The following POU2AF1 variants were observed in gnomAD, a reference collection of about 807,000 sequenced individuals.
POU2AF1 encodes POU class 2 homeobox associating factor 1, also known as POU domain class 2-associating factor 1.
Under a neutral mutation model 26.3 loss-of-function variants are expected in POU2AF1, and 12 were observed. The ratio of observed to expected loss-of-function variants is 0.46; its 90% confidence interval spans 0.29 to 0.74. The LOEUF is 0.74. Ranked by LOEUF, POU2AF1 falls within the 30% of genes least tolerant of loss-of-function variation. The pLI, the probability that POU2AF1 is intolerant of heterozygous loss-of-function variation, is 0.09. For missense variants in POU2AF1, 297 were observed against 334.5 expected, an observed-to-expected ratio of 0.89 and a Z score of 0.87; for synonymous variants, 175 against 148.0, an observed-to-expected ratio of 1.18 and a Z score of -1.32.
intron 1 of POU2AF1, among the ~76,000 whole-genome samples, chr11:111,361,883 C>T (rs376561269): frequency 2.0e-5 from 3 of 152,176 alleles, no homozygotes; most frequent in South Asian, 2.1e-4. Flanking sequence ...TAGTAATATT[C>T]CCTTCCGAAA....
chr11:111,363,449 A>G, intron 1 of POU2AF1: 1 of 1,012,508 alleles, frequency 9.9e-7, no homozygotes, highest in Non-Finnish European at 1.2e-6. Context: ...GTGCAGCAAC[A>G]ATAAACATTT....
chr11:111,365,504 T>C (rs566732360), intron 1 of POU2AF1, among the ~76,000 whole-genome samples: 167 of 152,260 alleles, frequency 1.1e-3, no homozygotes, highest in Middle Eastern at 3.4e-3. Context: ...GGAAATATCT[T>C]CTGCTGTTGA....
chr11:111,375,489 C>A (rs948536032), intron 1 of POU2AF1, among the ~76,000 whole-genome samples: 1 of 150,474 alleles, frequency 6.6e-6, no homozygotes, highest in Non-Finnish European at 1.5e-5. Context: ...CTCCGCCTCC[C>A]GGGTTCATGC....
At chr11:111,372,091 T>A (rs7482147) in intron 1 of POU2AF1, among the ~76,000 whole-genome samples, 17 of 122,938 alleles carry the variant, frequency 1.4e-4, no homozygotes, top group African/African-American at 3.3e-4. Context: ...GAGAGAGAGA[T>A]GAAGGAGCAG....
rs1860788924 is a variant in POU2AF1, at chr11:111,353,993, G to A, written c.*268C>T. On this transcript the variant is annotated 3_prime_UTR_variant, in exon 5 of 5. Transcript: ENST00000393067. ...GGGTTGGAAAGGGAGAAGGGAAGGA[G>A]GGAAGGAAGGGAGGGAGGAAAAGGA... is the stretch of plus-strand genomic sequence containing the variant. 4 of 419,416 alleles carry A rather than the reference G, an allele frequency of 9.5e-6. No homozygotes were observed. Among genetic ancestry groups the A allele is most frequent in the Admixed American group, 5.0e-5 (1 of 20,136 alleles). 26.0% of individuals were successfully genotyped at this position (419,416 alleles called of 1,614,324 possible). A position where few individuals can be genotyped will look rare whatever the true frequency, so the allele number is the denominator to read the frequency against.
intron 1 of POU2AF1, 141 bp downstream of exon 1, chr11:111,379,020 TG>T: frequency 3.6e-6 from 1 of 280,732 alleles, no homozygotes; most frequent in South Asian, 3.4e-5. Flanking sequence ...CCCCCCTCCC[TG>T]CTCCGGGGCT....
chr11:111,355,182 G>T (rs1354995051), intron 4 of POU2AF1, among the ~76,000 whole-genome samples: 1 of 152,192 alleles, frequency 6.6e-6, no homozygotes, highest in Non-Finnish European at 1.5e-5. Flanking sequence ...TGCTTTGTCA[G>T]CAAACTTGGC....
intron 1 of POU2AF1, among the ~76,000 whole-genome samples, chr11:111,360,627 C>T (rs998247199): frequency 3.3e-5 from 5 of 152,190 alleles, no homozygotes; most frequent in Admixed American, 3.3e-4. Flanking sequence ...TATACAGGTA[C>T]AGGTCCTGCT....
chr11:111,361,379 C>A (rs1024474103), intron 1 of POU2AF1, among the ~76,000 whole-genome samples: 4 of 152,196 alleles, frequency 2.6e-5, no homozygotes, highest in African/African-American at 4.8e-5. Context: ...ACCACACATA[C>A]CTGTATTCAA....
intron 1 of POU2AF1, among the ~76,000 whole-genome samples, chr11:111,370,215 C>A (rs567391081): frequency 5.3e-5 from 8 of 152,240 alleles, no homozygotes; most frequent in African/African-American, 7.2e-5. Flanking sequence ...CTTTGCTAAC[C>A]AATGGCCCTC....
chr11:111,376,136 T>C (rs6589225), intron 1 of POU2AF1, among the ~76,000 whole-genome samples: 104,351 of 152,094 alleles, frequency 0.69, 36,524 homozygotes, highest in Admixed American at 0.79. Context: ...TACTAACTCA[T>C]CCCTACCACT....
In POU2AF1 at chr11:111,358,416, ACACG is replaced by A. The variant is rs1565360786; in HGVS notation, c.147+368_147+371del. The stretch of plus-strand genomic sequence containing the variant: ...CCCTCACACACATACTCTCTCACAC[ACACG>A]CTCACACTCTCACACTCACTCTCAC... On this transcript the variant is annotated intron_variant, in intron 2 of 4. Transcript: ENST00000393067. Among the ~76,000 whole-genome samples the A allele has an allele frequency of 2.6e-3, 213 of 82,942 alleles. 3 individuals are homozygous for A. The highest frequency in any genetic ancestry group is 7.7e-3 in the African/African-American group (191 of 24,952). The allele number at this position is 82,942 out of a possible 152,430, so 54.4% of individuals were successfully genotyped here. A position where few individuals can be genotyped will look rare whatever the true frequency, so the allele number is the denominator to read the frequency against.
chr11:111,379,182 T>C lies in POU2AF1; in HGVS notation c.-5A>G, dbSNP rs1454879888. ...CTTACGTTTTTGCCAGAGCATGGCC[T>C]GTGACAGGATGTTGCCTTTTCTCTT... On this transcript the variant is annotated 5_prime_UTR_variant, in exon 1 of 5. Transcript: ENST00000393067. 1.2e-6 allele frequency: 2 copies of C among 1,614,036 alleles called. No homozygotes were observed. The highest frequency in any genetic ancestry group is 1.7e-6 in the Non-Finnish European group (2 of 1,179,994).
At chr11:111,358,220 G>C (rs1384943827) in intron 2 of POU2AF1, among the ~76,000 whole-genome samples, 1 of 151,892 alleles carries the variant, frequency 6.6e-6, no homozygotes, top group African/African-American at 2.4e-5. Flanking sequence ...TCCACCAAGG[G>C]ACCTGCGCTC....
chr11:111,369,431 C>G (rs569201074), intron 1 of POU2AF1, among the ~76,000 whole-genome samples: 2 of 152,284 alleles, frequency 1.3e-5, no homozygotes, highest in Admixed American at 6.5e-5. Context: ...CCTTAAGGAA[C>G]CTATATGTAT....
Position 111,357,470 on chromosome 11 carries a change from G to C in POU2AF1, c.431C>G (p.Ser144Cys), listed in dbSNP as rs1178338037. Residue 144 changes from serine to cysteine, a missense_variant, in exon 4 of 5, where the codon TCT (serine) becomes TGT (cysteine). Physicochemically the swap from Ser to Cys is moderately radical, Grantham distance 112 (BLOSUM62 -1). Transcript: ENST00000393067. Reference sequence around the variant, plus strand: ...CGTGACATTGGTGATGAGTGGCGGAGAGGCATAGGTCAACACTGAGGAGGG... The same window carrying C: ...CGTGACATTGGTGATGAGTGGCGGACAGGCATAGGTCAACACTGAGGAGGG... Reference protein sequence around the residue: ...VGPSSVLTYASPPLITNVTTR... With the variant: ...VGPSSVLTYACPPLITNVTTR... 4 of 1,614,092 alleles carry C rather than the reference G, an allele frequency of 2.5e-6. No individual in the cohort carries two copies. The highest frequency in any genetic ancestry group is 3.4e-6 in the Non-Finnish European group (4 of 1,180,034).
At chr11:111,377,221 A>G (rs928150385) in intron 1 of POU2AF1, among the ~76,000 whole-genome samples, 12 of 150,464 alleles carry the variant, frequency 8.0e-5, no homozygotes, top group Non-Finnish European at 1.6e-4. Context: ...AAAATACAAA[A>G]AAAAAAAAAA....
At chr11:111,359,922 T>A (rs1238102603) in intron 1 of POU2AF1, 2 of 518,784 alleles carry the variant, frequency 3.9e-6, no homozygotes, top group Non-Finnish European at 7.7e-6. Context: ...TTGAGGCAAG[T>A]GGCTCCCAGG....
rs369200561 is a variant in POU2AF1, at chr11:111,375,268, C to A, written c.16+3894G>T. Among the ~76,000 whole-genome samples, 77 of 152,082 alleles carry A rather than the reference C, an allele frequency of 5.1e-4. No individual in the cohort carries two copies. In the East Asian group the frequency reaches 0.011, roughly 22 times the overall value. On this transcript the variant is annotated intron_variant, in intron 1 of 4. Transcript: ENST00000393067. ...TTCAGTTTATTATACACAGTTCTATCACTTTTAAGGAAGAAATTCAATCAA... is the reference window on the plus strand; with the variant it reads ...TTCAGTTTATTATACACAGTTCTATAACTTTTAAGGAAGAAATTCAATCAA...
Sources: gnomAD v4.1 joint callset for allele counts (sites outside exome capture counted in the v4.1 genomes callset) on GRCh38, gnomAD v4.1.1 for gene constraint, MANE v1.5 for transcripts, NCBI Gene and HGNC (gene_info 2026-07-23, HGNC 2026-07-21) for gene names.